Variants in PARM1 observed in about 807,000 individuals in gnomAD.
The protein encoded by PARM1 is prostate androgen-regulated mucin-like protein 1.
Under a neutral mutation model 24.6 loss-of-function variants are expected in PARM1, and 14 were observed. That is an observed-to-expected ratio of 0.57 (90% CI 0.38 to 0.89). The LOEUF (loss-of-function observed/expected upper bound fraction) is 0.89, where lower values mean the gene tolerates loss of function less well. Ranked by LOEUF, PARM1 falls within the 40% of genes least tolerant of loss-of-function variation. The pLI is 0.00. For synonymous variants in PARM1, 179 were observed against 156.6 expected (o/e 1.14, Z -1.07); for missense variants, 362 against 380.4 (o/e 0.95, Z 0.40).
At chr4:75,032,043 A>T (rs1317593905) in intron 2 of PARM1, among the ~76,000 whole-genome samples, 1 of 152,218 alleles carries the variant, frequency 6.6e-6, no homozygotes, top group Non-Finnish European at 1.5e-5. Flanking sequence ...TGCTTGACCC[A>T]GTCTGCACAT....
At chr4:74,959,873 A>T (rs1459097695) in intron 1 of PARM1, among the ~76,000 whole-genome samples, 1 of 152,234 alleles carries the variant, frequency 6.6e-6, no homozygotes, top group Non-Finnish European at 1.5e-5. Context: ...GCAGAATAGG[A>T]AGTACCAGTT....
chr4:74,959,222 A>G (rs953170867), intron 1 of PARM1, among the ~76,000 whole-genome samples: 1 of 152,194 alleles, frequency 6.6e-6, no homozygotes, highest in African/African-American at 2.4e-5. Flanking sequence ...TTTATCTGTG[A>G]AAGATGTTAG....
chr4:74,954,048 A>G (rs190592552), intron 1 of PARM1, among the ~76,000 whole-genome samples: 27 of 152,320 alleles, frequency 1.8e-4, no homozygotes, highest in Non-Finnish European at 2.8e-4. Flanking sequence ...GCAAAAACTA[A>G]AAGTAGATAT....
chr4:74,935,759 A>G (rs147983861), intron 1 of PARM1, among the ~76,000 whole-genome samples: 3 of 152,330 alleles, frequency 2.0e-5, no homozygotes, highest in East Asian at 1.9e-4. Flanking sequence ...AGCACATACA[A>G]TGGACACTTG....
At chr4:74,945,897 A>G (rs866599337) in intron 1 of PARM1, among the ~76,000 whole-genome samples, 1 of 152,240 alleles carries the variant, frequency 6.6e-6, no homozygotes, top group African/African-American at 2.4e-5. Context: ...TTAATACTCT[A>G]TGACATTATC....
chr4:75,006,874 G>A (rs1560789881), intron 1 of PARM1, among the ~76,000 whole-genome samples: 1 of 152,152 alleles, frequency 6.6e-6, no homozygotes, highest in Non-Finnish European at 1.5e-5. Context: ...ATTGACAAAT[G>A]GGATCTAATT....
At chr4:75,036,930 C>G (rs534551400) in intron 3 of PARM1, among the ~76,000 whole-genome samples, 2 of 152,106 alleles carry the variant, frequency 1.3e-5, no homozygotes, top group African/African-American at 4.8e-5. Context: ...GTTATTAGAC[C>G]CTTAAGGGGT....
Position 74,938,609 on chromosome 4 carries a change from G to A in PARM1, c.43+5239G>A, listed in dbSNP as rs1207794698. On this transcript the variant is annotated intron_variant, in intron 1 of 3. Transcript: ENST00000307428. ...TAATAGGTTGTCATCTAGTTAATCT[G>A]CAAGCCGGGCAACTATTCAGTAAGA... is the stretch of plus-strand genomic sequence containing the variant. Among the ~76,000 whole-genome samples, 9 of 152,264 alleles carry A rather than the reference G, an allele frequency of 5.9e-5. No individual in the cohort carries two copies. The South Asian group carries it at 1.2e-3, about 21-fold the overall frequency.
At chr4:75,004,631 G>GT (rs1722738558) in intron 1 of PARM1, among the ~76,000 whole-genome samples, 1 of 152,198 alleles carries the variant, frequency 6.6e-6, no homozygotes, top group African/African-American at 2.4e-5. Flanking sequence ...ACTGTGAAAG[G>GT]TGGCATGTCT....
chr4:74,967,250 G>C (rs1222465713), intron 1 of PARM1: 2 of 152,214 alleles, frequency 1.3e-5, no homozygotes, highest in Non-Finnish European at 2.9e-5. Context: ...TCTTGGTGCA[G>C]AATGTACGGT....
chr4:74,963,216 A>C (rs1721817898), intron 1 of PARM1, among the ~76,000 whole-genome samples: 1 of 152,232 alleles, frequency 6.6e-6, no homozygotes, highest in South Asian at 2.1e-4. Flanking sequence ...TCTTCATAGC[A>C]GTGTGAAAAT....
intron 1 of PARM1, among the ~76,000 whole-genome samples, chr4:74,963,628 T>A (rs1408637941): frequency 2.0e-5 from 3 of 152,092 alleles, no homozygotes; most frequent in Non-Finnish European, 4.4e-5. Flanking sequence ...GAAAGTAGAT[T>A]AGTGGTTGCC....
chr4:74,947,365 A>G (rs1721431229), intron 1 of PARM1, among the ~76,000 whole-genome samples: 1 of 152,224 alleles, frequency 6.6e-6, no homozygotes, highest in Non-Finnish European at 1.5e-5. Context: ...TACAAGGAAA[A>G]AAAAAGAGAT....
rs931808879 is a variant in PARM1 at position 75,040,156 on chromosome 4, C to T, written c.849-6007C>T. Among the ~76,000 whole-genome samples the T allele has an allele frequency of 3.9e-5, 6 of 152,148 alleles. No individual in the cohort carries two copies. In the East Asian group the frequency reaches 5.8e-4, roughly 15 times the overall value. On this transcript the variant is annotated intron_variant, in intron 3 of 3. Coordinates refer to ENST00000307428, the MANE Select transcript of PARM1 (RefSeq NM_015393.4). ...AGTTTGGGGGTGCAGCAGTAACATTCGTTTACTCCTAATCAAGAAGAACCA... is the reference window on the plus strand; with the variant it reads ...AGTTTGGGGGTGCAGCAGTAACATTTGTTTACTCCTAATCAAGAAGAACCA...
At chr4:75,006,114 G>A (rs935230188) in intron 1 of PARM1, among the ~76,000 whole-genome samples, 4 of 152,068 alleles carry the variant, frequency 2.6e-5, no homozygotes, top group Admixed American at 2.0e-4. Flanking sequence ...CTGTGTTTTG[G>A]GTGGGAAGGT....
chr4:75,009,921 C>T (rs375476679), intron 1 of PARM1, among the ~76,000 whole-genome samples: 19 of 152,022 alleles, frequency 1.2e-4, no homozygotes, highest in East Asian at 3.9e-4. Context: ...TTGTGAAAGA[C>T]GAAAATGAGC....
chr4:74,948,772 C>T (rs563756145), intron 1 of PARM1, among the ~76,000 whole-genome samples: 9 of 152,284 alleles, frequency 5.9e-5, no homozygotes, highest in Non-Finnish European at 1.0e-4. Context: ...CCTGTAATCC[C>T]AGCATTTTGG....
intron 1 of PARM1, among the ~76,000 whole-genome samples, chr4:74,948,220 A>G (rs757183774): frequency 1.4e-4 from 22 of 152,310 alleles, no homozygotes; most frequent in Admixed American, 5.9e-4. Context: ...ATGAGCACAT[A>G]CATGGCAAGT....
At chr4:74,965,010 A>G (rs183044512) in intron 1 of PARM1, among the ~76,000 whole-genome samples, 74 of 152,336 alleles carry the variant, frequency 4.9e-4, no homozygotes, top group Admixed American at 4.8e-3. Flanking sequence ...ATACTTTGTT[A>G]ATATGACTGT....
Sources: allele counts gnomAD v4.1 joint callset (sites outside exome capture counted in the v4.1 genomes callset), GRCh38; gene constraint gnomAD v4.1.1; transcripts MANE v1.5; gene names NCBI Gene and HGNC (gene_info 2026-07-23, HGNC 2026-07-21).